Variants in DIS3L2 observed in about 807,000 individuals in gnomAD.
The protein encoded by DIS3L2 is DIS3 like 3'-5' exoribonuclease 2.
Under a neutral mutation model 97.5 loss-of-function variants are expected in DIS3L2, and 34 were observed. The ratio of observed to expected loss-of-function variants is 0.35; its 90% CI spans 0.27 to 0.46. DIS3L2 has a LOEUF of 0.46. Among genes scored for constraint, DIS3L2 ranks in the 20% least tolerant of loss-of-function variants. DIS3L2 has a pLI of 1.00. For synonymous variants in DIS3L2, 435 were observed against 445.2 expected (o/e 0.98, Z 0.29); for missense variants, 1,038 against 1,146.0 (o/e 0.91, Z 1.36).
chr2:232,134,556 G>A (rs1698305932), intron 7 of DIS3L2, among the ~76,000 whole-genome samples: 1 of 152,184 alleles, frequency 6.6e-6, no homozygotes, highest in African/African-American at 2.4e-5. Context: ...CGGATGCAGT[G>A]GCTCACGCCC....
intron 14 of DIS3L2, among the ~76,000 whole-genome samples, chr2:232,319,233 C>T (rs1695360588): frequency 1.3e-5 from 2 of 152,200 alleles, no homozygotes; most frequent in African/African-American, 2.4e-5. Flanking sequence ...ATGTGGGGTG[C>T]ACACGACACT....
At chr2:232,332,188 G>GGTGT (rs921416080) in intron 16 of DIS3L2, among the ~76,000 whole-genome samples, 1 of 148,816 alleles carries the variant, frequency 6.7e-6, no homozygotes, top group Non-Finnish European at 1.5e-5. Context: ...CAGGTCATCT[G>GGTGT]GGGAACTGGG....
At chr2:232,149,466 C>A (rs1430677411) in intron 8 of DIS3L2, among the ~76,000 whole-genome samples, 2 of 139,742 alleles carry the variant, frequency 1.4e-5, no homozygotes, top group Non-Finnish European at 1.5e-5. Context: ...TTTGTTCTTG[C>A]GATAGTTTAC....
chr2:232,077,861 T>C (rs758804246), intron 5 of DIS3L2, among the ~76,000 whole-genome samples: 76 of 152,180 alleles, frequency 5.0e-4, no homozygotes, highest in Non-Finnish European at 1.6e-4. Context: ...TTCTCCAAAA[T>C]ATTGGCCAGC....
At chr2:232,004,607 G>C (rs1227248930) in intron 1 of DIS3L2, among the ~76,000 whole-genome samples, 1 of 150,170 alleles carries the variant, frequency 6.7e-6, no homozygotes, top group Non-Finnish European at 1.5e-5. Flanking sequence ...TTGAGACTGG[G>C]TGTCACTCTG....
Position 232,263,457 on chromosome 2 carries a change from TTA to T in DIS3L2, c.1659+18_1659+19del. ...TTGGATCAGGTCAGTACGTGTTTTT[TTA>T]GTGTAGCCAACAGATTTGACTCGTG... On this transcript the variant is annotated intron_variant, in intron 13 of 20. Coordinates refer to ENST00000325385, the MANE Select transcript of DIS3L2 (RefSeq NM_152383.5). 6.2e-7 allele frequency: 1 copy of T among 1,613,558 alleles called. No homozygotes were observed. Among genetic ancestry groups the T allele is most frequent in the South Asian group, 1.1e-5 (1 of 91,032 alleles).
At chr2:232,117,365 A>G (rs1697757500) in intron 6 of DIS3L2, among the ~76,000 whole-genome samples, 1 of 152,238 alleles carries the variant, frequency 6.6e-6, no homozygotes, top group African/African-American at 2.4e-5. Flanking sequence ...AACCTTCATA[A>G]TAAATACTTG....
intron 15 of DIS3L2, 48 bp from the exon 16 acceptor site, chr2:232,330,642 G>T: frequency 1.9e-6 from 3 of 1,596,096 alleles, no homozygotes; most frequent in Non-Finnish European, 8.6e-7. Context: ...CAGAGTCTCT[G>T]CCCGAGCTGG....
intron 13 of DIS3L2, among the ~76,000 whole-genome samples, chr2:232,265,899 T>C (rs932225173): frequency 1.3e-5 from 2 of 152,252 alleles, no homozygotes; most frequent in African/African-American, 4.8e-5. Flanking sequence ...AGCATTCCCT[T>C]TTTGAAAGCC....
At chr2:232,274,557 G>A (rs549458215) in intron 13 of DIS3L2, among the ~76,000 whole-genome samples, 17 of 152,306 alleles carry the variant, frequency 1.1e-4, no homozygotes, top group South Asian at 4.1e-4. Flanking sequence ...GCTCTGCTGC[G>A]AAGGCCAGAA....
At chr2:231,979,680 C>A (rs904515504) in intron 1 of DIS3L2, among the ~76,000 whole-genome samples, 2 of 151,898 alleles carry the variant, frequency 1.3e-5, no homozygotes, top group East Asian at 1.9e-4. Context: ...TGGGTTCAAG[C>A]GATTCTCCTG....
chr2:232,183,757 C>A (rs954608930), intron 9 of DIS3L2, among the ~76,000 whole-genome samples: 1 of 152,158 alleles, frequency 6.6e-6, no homozygotes, highest in East Asian at 1.9e-4. Context: ...TTGATGAACA[C>A]CCCTGGGGCT....
chr2:232,343,394 C>G (rs764047987), exon 14 of DIS3L2: 3 of 1,556,434 alleles, frequency 1.9e-6, no homozygotes, highest in Non-Finnish European at 2.6e-6. Context: ...TCTCACAGCC[C>G]CTCTGCTGAA....
chr2:231,981,604 A>ATATG (rs1184480549), intron 1 of DIS3L2, among the ~76,000 whole-genome samples: 7 of 116,238 alleles, frequency 6.0e-5, no homozygotes, highest in Non-Finnish European at 1.1e-4. Context: ...TATTTTATAT[A>ATATG]TATATATATA....
At chr2:232,165,595 G>A (rs1022975447) in intron 9 of DIS3L2, among the ~76,000 whole-genome samples, 6 of 152,158 alleles carry the variant, frequency 3.9e-5, no homozygotes, top group South Asian at 4.1e-4. Context: ...TGCAGTCATC[G>A]CTCACTGCAG....
At chr2:232,254,939 T>A (rs1011007290) in intron 12 of DIS3L2, among the ~76,000 whole-genome samples, 8 of 152,208 alleles carry the variant, frequency 5.3e-5, no homozygotes, top group African/African-American at 1.7e-4. Flanking sequence ...TACTGTTGGT[T>A]ATCCAAACAC....
chr2:232,201,396 T>C (rs760465563), intron 9 of DIS3L2, among the ~76,000 whole-genome samples: 3 of 152,352 alleles, frequency 2.0e-5, no homozygotes, highest in East Asian at 1.9e-4. Flanking sequence ...TCTTCCTCCT[T>C]CTGTGAGGAA....
intron 6 of DIS3L2, among the ~76,000 whole-genome samples, chr2:232,119,257 C>T (rs570058953): frequency 1.3e-5 from 2 of 152,318 alleles, no homozygotes; most frequent in Admixed American, 1.3e-4. Context: ...CTACTTAACT[C>T]GCTCAGATGA....
intron 14 of DIS3L2, among the ~76,000 whole-genome samples, chr2:232,312,901 G>C (rs1695174266): frequency 6.6e-6 from 1 of 152,102 alleles, no homozygotes; most frequent in Non-Finnish European, 1.5e-5. Flanking sequence ...AGGAAACATG[G>C]TTTATTTTTG....
Sources: allele counts gnomAD v4.1 joint callset (sites outside exome capture counted in the v4.1 genomes callset), GRCh38; gene constraint gnomAD v4.1.1; transcripts MANE v1.5; gene names NCBI Gene and HGNC (gene_info 2026-07-23, HGNC 2026-07-21).